Variants in RPS6KA2 observed in about 807,000 individuals in gnomAD.
RPS6KA2 encodes ribosomal protein S6 kinase alpha-2.
Under a neutral mutation model 91.8 loss-of-function variants are expected in RPS6KA2, and 42 were observed. The observed-to-expected ratio is 0.46, with a 90% confidence interval of 0.36 to 0.59. RPS6KA2 has a LOEUF of 0.59. RPS6KA2 is among the 20% of genes least tolerant of loss of function. The pLI is 0.00. For synonymous variants in RPS6KA2, 414 were observed against 393.6 expected, an observed-to-expected ratio of 1.05 and a Z score of -0.61; for missense variants, 798 against 978.5, an observed-to-expected ratio of 0.82 and a Z score of 2.46.
chr6:166,545,687 C>G (rs1783803753), intron 1 of RPS6KA2, among the ~76,000 whole-genome samples: 1 of 152,164 alleles, frequency 6.6e-6, no homozygotes, highest in Non-Finnish European at 1.5e-5. Context: ...TTAATTAAGC[C>G]CTGCCACTTC....
chr6:166,679,765 G>T (rs950109319), intron 2 of RPS6KA2, among the ~76,000 whole-genome samples: 24 of 152,216 alleles, frequency 1.6e-4, no homozygotes, highest in African/African-American at 5.5e-4. Context: ...TGGAGGGAGC[G>T]GCGCGGGCGG....
intron 1 of RPS6KA2, among the ~76,000 whole-genome samples, chr6:166,596,861 A>G (rs1469173150): frequency 1.3e-5 from 2 of 152,162 alleles, no homozygotes; most frequent in African/African-American, 4.8e-5. Context: ...GGGGGTTTCC[A>G]CCACTGAAAT....
chr6:166,697,787 G>A (rs1789398549), intron 2 of RPS6KA2, among the ~76,000 whole-genome samples: 2 of 152,142 alleles, frequency 1.3e-5, no homozygotes, highest in South Asian at 4.1e-4. Flanking sequence ...AAACAGACAT[G>A]GAAACACACA....
intron 3 of RPS6KA2, among the ~76,000 whole-genome samples, chr6:166,517,697 G>A (rs370165727): frequency 6.6e-6 from 1 of 150,666 alleles, no homozygotes; most frequent in Non-Finnish European, 1.5e-5. Flanking sequence ...GGATGGTCTC[G>A]ATCTCCTGAC....
At chr6:166,531,940 TA>T (rs1267287629) in intron 2 of RPS6KA2, among the ~76,000 whole-genome samples, 1 of 152,060 alleles carries the variant, frequency 6.6e-6, no homozygotes, top group Middle Eastern at 3.2e-3. Flanking sequence ...AGTGATTTTT[TA>T]ACAAACTTAG....
chr6:166,449,747 C>T (rs1779791834), intron 13 of RPS6KA2, among the ~76,000 whole-genome samples: 1 of 151,888 alleles, frequency 6.6e-6, no homozygotes. Flanking sequence ...GGGCTCAGAA[C>T]ACCATGGAAT....
chr6:166,770,432 C>T lies in RPS6KA2; in HGVS notation c.123+87768G>A, dbSNP rs1055526094. On this transcript the variant is annotated intron_variant, in intron 2 of 21. Coordinates refer to the RPS6KA2 transcript ENST00000503859. The surrounding 1 kb of genome is among the most constrained non-coding windows in gnomAD (Gnocchi z 5.1). ...CAAACCTCGAGGGCAGACACAGCCC[C>T]AGGCAGCTTCAGCACCCCCACGTTT... Among the ~76,000 whole-genome samples, 2 of 148,884 alleles carry T rather than the reference C, an allele frequency of 1.3e-5. No homozygotes were observed. Among genetic ancestry groups the T allele is most frequent in the African/African-American group, 5.2e-5 (2 of 38,368 alleles).
intron 2 of RPS6KA2, among the ~76,000 whole-genome samples, chr6:166,786,729 G>A (rs1012126422): frequency 6.6e-6 from 1 of 152,124 alleles, no homozygotes; most frequent in Admixed American, 6.6e-5. Flanking sequence ...CAAAAGTGAA[G>A]AAAACTGAAT....
At chr6:166,743,870 G>A (rs1304740759) in intron 2 of RPS6KA2, among the ~76,000 whole-genome samples, 1 of 151,938 alleles carries the variant, frequency 6.6e-6, no homozygotes, top group Non-Finnish European at 1.5e-5. Flanking sequence ...GTGCACGGCA[G>A]ACAGGGCTTT....
intron 2 of RPS6KA2, among the ~76,000 whole-genome samples, chr6:166,791,301 A>G (rs1583123432): frequency 6.6e-6 from 1 of 152,094 alleles, no homozygotes; most frequent in East Asian, 1.9e-4. Flanking sequence ...GATCAATTCA[A>G]CAAGAAGAGC....
At chr6:166,805,503 A>G (rs1388679438) in intron 2 of RPS6KA2, among the ~76,000 whole-genome samples, 1 of 152,246 alleles carries the variant, frequency 6.6e-6, no homozygotes, top group East Asian at 1.9e-4. Flanking sequence ...AAGCAACTGC[A>G]TATGCAGGGA....
intron 1 of RPS6KA2, among the ~76,000 whole-genome samples, chr6:166,599,805 T>C (rs1259551884): frequency 6.6e-6 from 1 of 152,166 alleles, no homozygotes; most frequent in Non-Finnish European, 1.5e-5. Context: ...CGACACAGGC[T>C]TCTGTGTGCA....
chr6:166,430,564 A>C lies in RPS6KA2; in HGVS notation c.1470T>G (p.Arg490=), dbSNP rs56093026. The change falls in exon 16 of 21, where the codon CGT becomes CGG. Residue 490 remains arginine (R), a synonymous_variant. Transcript: ENST00000265678. ...KFVYLVMELM[R]GGELLDRILR... is the part of the protein sequence containing the mutation. ...GGATGCGGTCCAGGAGCTCCCCACC[A>C]CGCATCAGCTCCATTACCAGGTACA... 454 of 1,613,936 alleles carry C rather than the reference A, an allele frequency of 2.8e-4. 5 individuals are homozygous for C. The East Asian group carries it at 9.4e-3, about 34-fold the overall frequency.
At chr6:166,440,628 C>T (rs900404536) in intron 14 of RPS6KA2, among the ~76,000 whole-genome samples, 4 of 152,158 alleles carry the variant, frequency 2.6e-5, no homozygotes, top group South Asian at 2.1e-4. Context: ...TGTTTGAGAA[C>T]GAAGTTAACA....
intron 2 of RPS6KA2, among the ~76,000 whole-genome samples, chr6:166,796,949 G>C (rs1779241499): frequency 6.6e-6 from 1 of 152,236 alleles, no homozygotes; most frequent in South Asian, 2.1e-4. Flanking sequence ...AGGCTCCCAG[G>C]TACCGAACCT....
chr6:166,490,777 T>A lies in RPS6KA2; in HGVS notation c.748-36A>T, dbSNP rs763219488. ...ACACAGAGCACAGTGAGTTCATTCA[T>A]CCAGATGGACCCGGCTTCACGGCAG... On this transcript the variant is annotated intron_variant, in intron 8 of 20. Coordinates refer to ENST00000265678, the MANE Select transcript of RPS6KA2 (RefSeq NM_021135.6). This position sits in a 1 kb window ranked among gnomAD's most constrained non-coding sequence, Gnocchi z 4.2. 6.5e-7 allele frequency: 1 copy of A among 1,543,314 alleles called. No individual in the cohort carries two copies. Among genetic ancestry groups the A allele is most frequent in the Non-Finnish European group, 8.9e-7 (1 of 1,119,726 alleles).
intron 2 of RPS6KA2, among the ~76,000 whole-genome samples, chr6:166,661,930 G>A (rs1788174561): frequency 1.3e-5 from 2 of 152,056 alleles, no homozygotes; most frequent in Non-Finnish European, 2.9e-5. Context: ...GTATTGAATC[G>A]TACATATCTC....
chr6:166,417,075 A>G (rs1206330591), intron 19 of RPS6KA2, among the ~76,000 whole-genome samples: 3 of 152,212 alleles, frequency 2.0e-5, no homozygotes, highest in Non-Finnish European at 4.4e-5. Context: ...CTATTGGATT[A>G]GAGAGGAATT....
intron 2 of RPS6KA2, among the ~76,000 whole-genome samples, chr6:166,690,652 G>T (rs994069047): frequency 3.3e-5 from 5 of 152,172 alleles, no homozygotes; most frequent in Admixed American, 2.6e-4. Context: ...GCTCCCTGGG[G>T]GCAGGAGGGG....
Sources: allele counts gnomAD v4.1 joint callset (sites outside exome capture counted in the v4.1 genomes callset), GRCh38; gene constraint gnomAD v4.1.1; non-coding constraint Gnocchi (gnomAD v3.1); transcripts MANE v1.5; gene names NCBI Gene and HGNC (gene_info 2026-07-23, HGNC 2026-07-21).